Variants in CNIH3 observed in about 807,000 individuals in gnomAD.
The protein encoded by CNIH3 is cornichon family AMPA receptor auxiliary protein 3, also known as protein cornichon homolog 3.
Under a neutral mutation model 24.1 loss-of-function variants are expected in CNIH3, and 14 were observed. That is an observed-to-expected ratio of 0.58 (90% CI 0.38 to 0.91). The LOEUF (loss-of-function observed/expected upper bound fraction) is 0.91, where lower values mean the gene tolerates loss of function less well. Ranked by LOEUF, CNIH3 falls within the 40% of genes least tolerant of loss-of-function variation. The probability of loss-of-function intolerance (pLI) is 0.00; values close to 1 mark genes in which losing one functional copy is unlikely to be tolerated. For synonymous variants in CNIH3, 68 were observed against 73.8 expected (o/e 0.92, Z 0.40); for missense variants, 178 against 196.8 (o/e 0.90, Z 0.57).
intron 5 of CNIH3, among the ~76,000 whole-genome samples, chr1:224,584,727 GAA>G (rs5781374): frequency 0.24 from 34,187 of 143,862 alleles, 4,159 homozygotes; most frequent in East Asian, 0.35. Flanking sequence ...TCTTGGTTGT[GAA>G]ATAATTTGTA....
At chr1:224,468,985 T>C (rs1676259370) in intron 1 of CNIH3, among the ~76,000 whole-genome samples, 1 of 152,154 alleles carries the variant, frequency 6.6e-6, no homozygotes, top group Non-Finnish European at 1.5e-5. Flanking sequence ...TAATCCTAGT[T>C]TGTGAAACTT....
At chr1:224,510,976 A>T (rs1302868112), upstream of CNIH3, among the ~76,000 whole-genome samples, 1 of 152,218 alleles carries the variant, frequency 6.6e-6, no homozygotes, top group Non-Finnish European at 1.5e-5. Context: ...TGCAAAATGC[A>T]AGCCAGAGGA....
intron 1 of CNIH3, among the ~76,000 whole-genome samples, chr1:224,484,818 T>C (rs1174878337): frequency 1.3e-5 from 2 of 152,208 alleles, no homozygotes; most frequent in East Asian, 3.8e-4. Context: ...AGTTTTAATC[T>C]CTAGAAGTTT....
chr1:224,525,019 C>A (rs532397691), intron 2 of CNIH3, among the ~76,000 whole-genome samples: 1 of 152,048 alleles, frequency 6.6e-6, no homozygotes, highest in South Asian at 2.1e-4. Context: ...AGGAAGTATC[C>A]GCCTAAATGT....
chr1:224,593,419 C>A (rs765108657), downstream of CNIH3, among the ~76,000 whole-genome samples: 40 of 152,182 alleles, frequency 2.6e-4, no homozygotes, highest in Non-Finnish European at 4.4e-4. Flanking sequence ...CAGGTCATTA[C>A]TACTACACAT....
chr1:224,610,151 G>A (rs577256024), intron 3 of CNIH3, among the ~76,000 whole-genome samples: 1 of 152,316 alleles, frequency 6.6e-6, no homozygotes, highest in Non-Finnish European at 1.5e-5. Context: ...AGTATTCTAA[G>A]CACATTTAAG....
chr1:224,472,068 G>A (rs1440474750), intron 1 of CNIH3, among the ~76,000 whole-genome samples: 2 of 152,030 alleles, frequency 1.3e-5, no homozygotes, highest in East Asian at 1.9e-4. Flanking sequence ...CCTTTTTTTG[G>A]GAGGGTGGGT....
At chr1:224,457,511 ATTTTTTTT>A (rs943521801) in intron 1 of CNIH3, among the ~76,000 whole-genome samples, 1 of 111,218 alleles carries the variant, frequency 9.0e-6, no homozygotes, top group African/African-American at 3.6e-5. Context: ...TGGTCTGGGG[ATTTTTTTT>A]TTTTTTTTTT....
At chr1:224,636,794 T>G (rs993464172) in intron 1 of CNIH3, among the ~76,000 whole-genome samples, 1 of 152,200 alleles carries the variant, frequency 6.6e-6, no homozygotes, top group East Asian at 1.9e-4. Context: ...GGTACACATA[T>G]AATATTCAGC....
chr1:224,734,493 G>C, intron 4 of CNIH3, 70 bp from the exon 5 acceptor site: 1 of 1,520,936 alleles, frequency 6.6e-7, no homozygotes, highest in Non-Finnish European at 9.1e-7. Context: ...GCCCTGCATC[G>C]GAAGGGTTTG....
At chr1:224,634,743 C>T (rs959863425) in intron 1 of CNIH3, among the ~76,000 whole-genome samples, 1 of 152,180 alleles carries the variant, frequency 6.6e-6, no homozygotes, top group Admixed American at 6.5e-5. Flanking sequence ...CACTCCTCTT[C>T]CTAAGAAATG....
Position 224,681,023 on chromosome 1 carries a change from T to C in CNIH3, c.147T>C (p.His49=). 6.2e-7 allele frequency: 1 copy of C among 1,613,960 alleles called. No individual in the cohort carries two copies. Among genetic ancestry groups the C allele is most frequent in the Non-Finnish European group, 8.5e-7 (1 of 1,179,818 alleles). Residue 49 remains histidine (H), a synonymous_variant, in exon 2 of 6, where the codon CAT becomes CAC. Transcript: ENST00000272133. The stretch of plus-strand genomic sequence containing the variant: ...CCATAGACCAGTGCAATCCTGTTCA[T>C]GCGGTAAGTGGCGGGTACTGGTGAG... The part of the protein sequence containing the change: ...KSPIDQCNPV[H]ARERLRNIER...
chr1:224,680,792 A>G (rs1046281374), intron 1 of CNIH3, among the ~76,000 whole-genome samples, 166 bp from the exon 2 acceptor site: 1 of 152,160 alleles, frequency 6.6e-6, no homozygotes, highest in Non-Finnish European at 1.5e-5. Context: ...AATCAACCCC[A>G]TGTGCTTATT....
intron 3 of CNIH3, among the ~76,000 whole-genome samples, chr1:224,557,052 G>A (rs1184160310): frequency 4.6e-5 from 7 of 152,010 alleles, no homozygotes; most frequent in Non-Finnish European, 1.0e-4. Flanking sequence ...CCCCTCTTTT[G>A]TATTTTTGAG....
rs536420797 is a variant in CNIH3, at chr1:224,648,681, TC to T, written c.81+31432del. Reference sequence around the variant, plus strand: ...CCGATTTTGCCTTGGCCCAATTACTTCCCCCCATGATGTTTCTGAAGATGGT... The same window carrying T: ...CCGATTTTGCCTTGGCCCAATTACTTCCCCCATGATGTTTCTGAAGATGGT... On this transcript the variant is annotated intron_variant, in intron 1 of 5. Transcript: ENST00000272133. Among the ~76,000 whole-genome samples, 318 of 152,140 alleles carry T rather than the reference TC, an allele frequency of 2.1e-3. 1 individual carries two copies. The highest frequency in any genetic ancestry group is 7.1e-3 in the African/African-American group (296 of 41,490).
At chr1:224,589,667 A>T (rs1406935919), downstream of CNIH3, among the ~76,000 whole-genome samples, 1 of 152,230 alleles carries the variant, frequency 6.6e-6, no homozygotes, top group Non-Finnish European at 1.5e-5. Context: ...ACAACTCCCC[A>T]GCCCCAGGGA....
At position 224,507,545 on chromosome 1, in the gene CNIH3, T is replaced by C. The variant is rs1677968932; in HGVS notation, n.204-8196T>C. Among the ~76,000 whole-genome samples the C allele has an allele frequency of 2.6e-5, 4 of 152,226 alleles. No individual in the cohort carries two copies. The South Asian group carries it at 8.3e-4, about 31-fold the overall frequency. On this transcript the variant is annotated intron_variant and non_coding_transcript_variant, in intron 1 of 5. Coordinates refer to the CNIH3 transcript ENST00000471578. ...GTATGCGATCTTTCTCTGGTGTATA[T>C]GTATCCCCATGATGTTAGATGCTGC... is the stretch of plus-strand genomic sequence containing the variant.
At chr1:224,446,758 T>C (rs1192669216) in intron 1 of CNIH3, among the ~76,000 whole-genome samples, 1 of 152,166 alleles carries the variant, frequency 6.6e-6, no homozygotes, top group Non-Finnish European at 1.5e-5. Flanking sequence ...CAGATTTAAA[T>C]TCCCCCTTTG....
intron 4 of CNIH3, among the ~76,000 whole-genome samples, chr1:224,578,208 A>C (rs1178312233): frequency 6.6e-6 from 1 of 152,178 alleles, no homozygotes; most frequent in East Asian, 1.9e-4. Flanking sequence ...CGACAACAAA[A>C]AGCTATTCCA....
Sources: gnomAD v4.1 joint callset for allele counts (sites outside exome capture counted in the v4.1 genomes callset) on GRCh38, gnomAD v4.1.1 for gene constraint, MANE v1.5 for transcripts, NCBI Gene and HGNC (gene_info 2026-07-23, HGNC 2026-07-21) for gene names.